The following MTUS2 variants were observed in gnomAD, a reference collection of about 807,000 sequenced individuals.
MTUS2 encodes the protein microtubule associated scaffold protein 2.
Under a neutral mutation model 114.1 loss-of-function variants are expected in MTUS2, and 40 were observed. The ratio of observed to expected loss-of-function variants is 0.35; its 90% CI spans 0.27 to 0.46. The LOEUF is 0.46. Ranked by LOEUF, MTUS2 falls within the 20% of genes least tolerant of loss-of-function variation. The probability of loss-of-function intolerance (pLI) is 1.00; values close to 1 mark genes in which losing one functional copy is unlikely to be tolerated. For missense variants in MTUS2, 1,679 were observed against 1,705.4 expected, an observed-to-expected ratio of 0.98 and a Z score of 0.27; for synonymous variants, 688 against 672.0, an observed-to-expected ratio of 1.02 and a Z score of -0.37.
rs182403575 is a variant in MTUS2, at chr13:28,937,268, A to G, written c.-242-87189A>G. ...AGCTAGAGGTTTGTAAAATGCACCA[A>G]TCAGCACTCTGTAAGATGGACCAGT... On this transcript the variant is annotated intron_variant, in intron 2 of 15. Coordinates refer to ENST00000612955, the MANE Select transcript of MTUS2 (RefSeq NM_001033602.4). 1.8e-4 allele frequency among the ~76,000 whole-genome samples: 27 copies of G among 152,296 alleles called. No homozygotes were observed. In the East Asian group the frequency reaches 4.1e-3, roughly 23 times the overall value.
At chr13:28,883,040 GAC>G (rs1276325251) in intron 2 of MTUS2, among the ~76,000 whole-genome samples, 2 of 152,100 alleles carry the variant, frequency 1.3e-5, no homozygotes, top group African/African-American at 4.8e-5. Flanking sequence ...TGGCAAATAA[GAC>G]ACGAAAAGAT....
At chr13:29,268,086 T>G (rs1160650693) in intron 5 of MTUS2, among the ~76,000 whole-genome samples, 1 of 152,064 alleles carries the variant, frequency 6.6e-6, no homozygotes, top group Non-Finnish European at 1.5e-5. Flanking sequence ...TCATGGTGGT[T>G]TGCTGCACCC....
At chr13:29,265,743 C>G (rs1897642507) in intron 5 of MTUS2, among the ~76,000 whole-genome samples, 1 of 152,144 alleles carries the variant, frequency 6.6e-6, no homozygotes, top group African/African-American at 2.4e-5. Flanking sequence ...GGGTCTGCTA[C>G]AAACTTTTAC....
chr13:29,129,345 CA>C (rs1891655776), intron 5 of MTUS2, among the ~76,000 whole-genome samples: 1 of 152,030 alleles, frequency 6.6e-6, no homozygotes, highest in African/African-American at 2.4e-5. Flanking sequence ...TTCATAATTG[CA>C]TTTATAAAAC....
chr13:29,390,369 T>C (rs75314643), intron 8 of MTUS2, among the ~76,000 whole-genome samples: 276 of 151,976 alleles, frequency 1.8e-3, no homozygotes, highest in African/African-American at 6.4e-3. Context: ...TTGAAAATAA[T>C]GTGGCCGGTT....
At chr13:29,359,568 T>G in intron 8 of MTUS2, 95 bp downstream of exon 8, 1 of 1,378,410 alleles carries the variant, frequency 7.3e-7, no homozygotes, top group East Asian at 2.5e-5. Context: ...GTTTTGGGTT[T>G]GAGTTTTGAT....
At chr13:28,948,354 C>T (rs1593324257) in intron 2 of MTUS2, among the ~76,000 whole-genome samples, 2 of 152,088 alleles carry the variant, frequency 1.3e-5, no homozygotes, top group African/African-American at 2.4e-5. Flanking sequence ...AGGCTCAGGC[C>T]CACAGGTAGA....
At chr13:29,200,604 TC>T (rs1197127942) in intron 5 of MTUS2, among the ~76,000 whole-genome samples, 1 of 140,966 alleles carries the variant, frequency 7.1e-6, no homozygotes, top group Non-Finnish European at 1.5e-5. Context: ...CACTGCACCC[TC>T]CATTTCCTGG....
intron 6 of MTUS2, chr13:29,306,747 C>T (rs752876272): frequency 8.6e-4 from 255 of 297,556 alleles, no homozygotes; most frequent in Admixed American, 3.0e-3. Flanking sequence ...CACATTTTCT[C>T]TTGCATTGCC....
At chr13:28,822,021 TG>T (rs1317185649) in intron 1 of MTUS2, among the ~76,000 whole-genome samples, 6 of 152,238 alleles carry the variant, frequency 3.9e-5, no homozygotes, top group Admixed American at 3.9e-4. Flanking sequence ...TGAGTAGTAG[TG>T]GCAGGATATT....
At chr13:29,268,142 C>T (rs924209991) in intron 5 of MTUS2, among the ~76,000 whole-genome samples, 1 of 152,126 alleles carries the variant, frequency 6.6e-6, no homozygotes. Context: ...TGCTCTCCCT[C>T]CCCTAGTTCC....
At chr13:29,202,291 C>T (rs1894991066) in intron 5 of MTUS2, among the ~76,000 whole-genome samples, 3 of 152,002 alleles carry the variant, frequency 2.0e-5, no homozygotes, top group South Asian at 4.2e-4. Flanking sequence ...CCTGCTTGAT[C>T]GATTTAGCTT....
intron 7 of MTUS2, among the ~76,000 whole-genome samples, chr13:29,337,557 C>A (rs1423243312): frequency 6.6e-6 from 1 of 152,084 alleles, no homozygotes; most frequent in African/African-American, 2.4e-5. Flanking sequence ...GCGTTGATCT[C>A]GCTGGGTGCT....
intron 2 of MTUS2, among the ~76,000 whole-genome samples, chr13:28,998,030 A>T (rs1402408078): frequency 6.6e-6 from 1 of 152,082 alleles, no homozygotes; most frequent in Non-Finnish European, 1.5e-5. Flanking sequence ...GGCTGGTACC[A>T]GTTGTTCCTT....
At chr13:28,949,510 G>C (rs1882704861) in intron 2 of MTUS2, among the ~76,000 whole-genome samples, 1 of 152,114 alleles carries the variant, frequency 6.6e-6, no homozygotes. Context: ...ATTTTTAACT[G>C]TATAGTTCAG....
chr13:28,859,661 A>G (rs753983038), intron 2 of MTUS2, among the ~76,000 whole-genome samples: 12 of 152,206 alleles, frequency 7.9e-5, no homozygotes, highest in Non-Finnish European at 1.5e-5. Context: ...TGCAAAACAT[A>G]TTTAACTTAT....
chr13:29,071,409 A>ATTTTTTTTTT lies in MTUS2; in HGVS notation c.2447-29339_2447-29330dup, dbSNP rs751020009. Among the ~76,000 whole-genome samples the ATTTTTTTTTT allele has an allele frequency of 9.1e-4, 42 of 46,142 alleles. 9 individuals are homozygous for ATTTTTTTTTT. Among genetic ancestry groups the ATTTTTTTTTT allele is most frequent in the African/African-American group, 2.5e-3 (23 of 9,168 alleles). The allele number at this position is 46,142 out of a possible 152,430, so 30.3% of individuals were successfully genotyped here. On this transcript the variant is annotated intron_variant, in intron 4 of 15. Coordinates refer to ENST00000612955, the MANE Select transcript of MTUS2 (RefSeq NM_001033602.4). ...TTTAAAAGATCTCTATGTTGCTTGAATTTTTTTTTTTTTTTTTTTTTTTTT... is the reference window on the plus strand; with the variant it reads ...TTTAAAAGATCTCTATGTTGCTTGAATTTTTTTTTTTTTTTTTTTTTTTTTTTTTTTTTTT...
At position 29,162,853 on chromosome 13, in the gene MTUS2, C is replaced by T. The variant is rs372596959; in HGVS notation, c.2644+61883C>T. Among the ~76,000 whole-genome samples, 16 of 152,302 alleles carry T rather than the reference C, an allele frequency of 1.1e-4. No individual in the cohort carries two copies. In the South Asian group the frequency reaches 1.5e-3, roughly 14 times the overall value. ...CTGAGAATCTAGGACTTCGTATGCC[C>T]GAGACTTGCTGCTGCTCATTGGTGC... is the stretch of plus-strand genomic sequence containing the variant. On this transcript the variant is annotated intron_variant, in intron 5 of 15. Coordinates refer to ENST00000612955, the MANE Select transcript of MTUS2 (RefSeq NM_001033602.4).
chr13:29,460,048 T>A (rs985199994), intron 9 of MTUS2, among the ~76,000 whole-genome samples: 38 of 152,174 alleles, frequency 2.5e-4, no homozygotes, highest in African/African-American at 8.7e-4. Context: ...AAGCTGCCAT[T>A]TACTGAATGC....
Sources: allele counts gnomAD v4.1 joint callset (sites outside exome capture counted in the v4.1 genomes callset), GRCh38; gene constraint gnomAD v4.1.1; transcripts MANE v1.5; gene names NCBI Gene and HGNC (gene_info 2026-07-23, HGNC 2026-07-21).